Variants in SBF2 observed in about 807,000 individuals in gnomAD.
SBF2 encodes SET binding factor 2, also known as myotubularin-related protein 13.
SBF2 carries 112 observed loss-of-function variants against 225.2 expected under a neutral mutation model. The observed-to-expected ratio is 0.50, with a 90% CI of 0.43 to 0.58. The LOEUF (loss-of-function observed/expected upper bound fraction) is 0.58, where lower values mean the gene tolerates loss of function less well. SBF2 is among the 20% of genes least tolerant of loss of function. The pLI, the probability that SBF2 is intolerant of heterozygous loss-of-function variation, is 0.00. For synonymous variants in SBF2, 763 were observed against 773.3 expected (o/e 0.99, Z 0.22); for missense variants, 1,996 against 2,206.2 (o/e 0.90, Z 1.91).
At chr11:10,100,191 A>G (rs1319916887) in intron 2 of SBF2, among the ~76,000 whole-genome samples, 1 of 152,248 alleles carries the variant, frequency 6.6e-6, no homozygotes, top group Admixed American at 6.5e-5. Context: ...GACAGATTTG[A>G]GTAATTATAA....
At chr11:9,952,769 C>A (rs1327473327) in intron 16 of SBF2, among the ~76,000 whole-genome samples, 3 of 152,190 alleles carry the variant, frequency 2.0e-5, no homozygotes, top group African/African-American at 7.2e-5. Context: ...ACACTATACT[C>A]ACTAATATGG....
chr11:10,300,253 C>T (rs1000059187), intron 1 of SBF2, among the ~76,000 whole-genome samples: 1 of 152,154 alleles, frequency 6.6e-6, no homozygotes. Context: ...TTGTTGATGA[C>T]TGCATTGGTG....
At chr11:10,050,654 G>A (rs930595227) in intron 2 of SBF2, among the ~76,000 whole-genome samples, 10 of 152,130 alleles carry the variant, frequency 6.6e-5, no homozygotes, top group African/African-American at 2.2e-4. Flanking sequence ...GTGATGAGAT[G>A]AAAGGTGAAT....
In SBF2 at chr11:10,303,168, T is replaced by G. The variant is rs2133655909; in HGVS notation, n.386+1324A>C. 4 of 152,408 alleles carry G rather than the reference T, an allele frequency of 2.6e-5. No individual in the cohort carries two copies. The South Asian group carries it at 8.3e-4, about 32-fold the overall frequency. The allele number at this position is 152,408 out of a possible 1,614,324, so 9.4% of individuals were successfully genotyped here. A position where few individuals can be genotyped will look rare whatever the true frequency, so the allele number is the denominator to read the frequency against. On this transcript the variant is annotated intron_variant and non_coding_transcript_variant, in intron 1 of 5. Transcript: ENST00000685217. The surrounding 1 kb of genome is among the most constrained non-coding windows in gnomAD (Gnocchi z 5.2). ...CAGGCGTTCAGTAATAGCTGCTGTC[T>G]GCGGTGCAGACGGACTAGTCGCCCG...
Position 9,785,106 on chromosome 11 carries a change from G to A in SBF2, c.5231+19C>T, listed in dbSNP as rs1250788397. On this transcript the variant is annotated intron_variant, in intron 37 of 39. Transcript: ENST00000256190. ...TGTGGGGAAGTCTTCAGCACAGCGA[G>A]CAGGGTTCAGCATGTCACCTGTTTT... The A allele has an allele frequency of 2.0e-5, 33 of 1,611,270 alleles. No individual in the cohort carries two copies. Among genetic ancestry groups the A allele is most frequent in the Non-Finnish European group, 2.7e-5 (32 of 1,179,174 alleles).
intron 1 of SBF2, among the ~76,000 whole-genome samples, chr11:10,273,724 G>C (rs550749130): frequency 6.6e-6 from 1 of 152,294 alleles, no homozygotes; most frequent in East Asian, 1.9e-4. Flanking sequence ...CCTTGGATAA[G>C]AAATGGAATA....
At chr11:9,888,434 G>A (rs924694102) in intron 17 of SBF2, among the ~76,000 whole-genome samples, 1 of 151,874 alleles carries the variant, frequency 6.6e-6, no homozygotes, top group African/African-American at 2.4e-5. Context: ...AGCCCAGGAG[G>A]TGGAGGTTGC....
intron 1 of SBF2, among the ~76,000 whole-genome samples, chr11:10,239,198 T>C (rs1959176409): frequency 6.6e-6 from 1 of 150,620 alleles, no homozygotes; most frequent in African/African-American, 2.4e-5. Flanking sequence ...TTCAAGCTCA[T>C]ACAAAATTTT....
intron 38 of SBF2, among the ~76,000 whole-genome samples, chr11:9,782,531 C>CAATT (rs1218847056): frequency 6.6e-6 from 1 of 152,040 alleles, no homozygotes; most frequent in Non-Finnish European, 1.5e-5. Context: ...TTTTGGAGAA[C>CAATT]AATTTGGCAA....
chr11:10,168,080 T>C (rs890156847), intron 2 of SBF2, among the ~76,000 whole-genome samples: 20 of 152,292 alleles, frequency 1.3e-4, no homozygotes, highest in African/African-American at 4.8e-4. Flanking sequence ...TACTGTTTTT[T>C]TACAGTACTT....
chr11:10,219,787 C>T (rs1176301981), intron 1 of SBF2, among the ~76,000 whole-genome samples: 4 of 152,140 alleles, frequency 2.6e-5, no homozygotes, highest in Non-Finnish European at 5.9e-5. Context: ...CTCCAGTTCC[C>T]AACAAGTTTC....
At chr11:10,283,999 A>C (rs1963582329) in intron 1 of SBF2, among the ~76,000 whole-genome samples, 1 of 152,228 alleles carries the variant, frequency 6.6e-6, no homozygotes, top group African/African-American at 2.4e-5. Context: ...TGTTTTTCTA[A>C]AATTTTATAA....
chr11:10,131,154 G>A (rs1193745011), intron 2 of SBF2, among the ~76,000 whole-genome samples: 9 of 151,946 alleles, frequency 5.9e-5, no homozygotes, highest in African/African-American at 1.5e-4. Flanking sequence ...CCAGCAATGT[G>A]TGAGAGACTG....
At chr11:9,889,503 A>G (rs571076538) in intron 17 of SBF2, among the ~76,000 whole-genome samples, 79 of 152,372 alleles carry the variant, frequency 5.2e-4, no homozygotes, top group African/African-American at 1.9e-3. Flanking sequence ...ATGTAAATTT[A>G]TATTTCTTTA....
At chr11:9,979,089 T>C (rs904217707) in intron 13 of SBF2, among the ~76,000 whole-genome samples, 17 of 152,354 alleles carry the variant, frequency 1.1e-4, no homozygotes, top group African/African-American at 3.6e-4. Context: ...TGAAAGAACA[T>C]AGGCTTAGGA....
rs185951489 is a variant in SBF2 at position 10,263,175 on chromosome 11, C to T, written c.55+30840G>A. 8.6e-5 allele frequency among the ~76,000 whole-genome samples: 13 copies of T among 151,928 alleles called. No homozygotes were observed. The East Asian group carries it at 2.5e-3, about 29-fold the overall frequency. ...AAATCATTCAAGAATCTTCTGTTAT[C>T]CTTTTAAATAAAAAAAATCAGCACA... On this transcript the variant is annotated intron_variant, in intron 1 of 39. Coordinates refer to ENST00000256190, the MANE Select transcript of SBF2 (RefSeq NM_030962.4).
intron 16 of SBF2, chr11:9,956,868 T>A (rs1181454699): frequency 6.6e-6 from 1 of 152,152 alleles, no homozygotes; most frequent in Admixed American, 6.5e-5. Flanking sequence ...GAAAAGACAT[T>A]GGGATACAAA....
chr11:9,928,328 GT>G (rs1864216664), intron 16 of SBF2, among the ~76,000 whole-genome samples: 2 of 152,262 alleles, frequency 1.3e-5, no homozygotes, highest in Admixed American at 6.5e-5. Context: ...TATATAGATG[GT>G]AAATAAGTAT....
Position 9,972,922 on chromosome 11 carries a change from C to T in SBF2, c.1396-4377G>A, listed in dbSNP as rs142798990. The stretch of plus-strand genomic sequence containing the variant: ...TAAAACAAAGTTCAAAGTTGAATAT[C>T]TGTAGTTATATAGATATTCTACACC... On this transcript the variant is annotated intron_variant, in intron 13 of 39. Coordinates refer to ENST00000256190, the MANE Select transcript of SBF2 (RefSeq NM_030962.4). Among the ~76,000 whole-genome samples the T allele has an allele frequency of 3.7e-3, 563 of 152,302 alleles. 5 individuals carry two copies. The East Asian group carries it at 0.038, about 10-fold the overall frequency.
Sources: gnomAD v4.1 joint callset for allele counts (sites outside exome capture counted in the v4.1 genomes callset) on GRCh38, gnomAD v4.1.1 for gene constraint, Gnocchi (gnomAD v3.1) non-coding constraint, MANE v1.5 for transcripts, NCBI Gene and HGNC (gene_info 2026-07-23, HGNC 2026-07-21) for gene names.